The following ADAM8 variants were observed in gnomAD, a reference collection of about 807,000 sequenced individuals.
The protein encoded by ADAM8 is disintegrin and metalloproteinase domain-containing protein 8.
ADAM8 carries 104 observed loss-of-function variants against 102.4 expected under a neutral mutation model. The observed-to-expected ratio is 1.02, with a 90% CI of 0.87 to 1.20. The LOEUF is 1.20. ADAM8 is among the 50% of genes most tolerant of loss of function. ADAM8 has a pLI of 0.00. For synonymous variants in ADAM8, 517 were observed against 485.2 expected (o/e 1.07, Z -0.86); for missense variants, 1,132 against 1,159.0 (o/e 0.98, Z 0.34).
At chr10:133,270,089 G>GAAGCACAGCCACCT in intron 16 of ADAM8, 115 bp from the exon 17 acceptor site, 2 of 1,296,084 alleles carry the variant, frequency 1.5e-6, no homozygotes, top group Non-Finnish European at 2.2e-6. Context: ...CAAGGTGGCT[G>GAAGCACAGCCACCT]TGCTTCAGCC....
At position 133,267,331 on chromosome 10, in the gene ADAM8, C is replaced by T. The variant is rs368644961; in HGVS notation, c.2319+21G>A. The stretch of plus-strand genomic sequence containing the variant: ...CCTGGACACCCTCAGAAGGCTTGGC[C>T]GCCCAATCACCACTGCTCACCTGCT... On this transcript the variant is annotated intron_variant, in intron 21 of 22. Transcript: ENST00000445355. The T allele has an allele frequency of 2.8e-5, 45 of 1,599,800 alleles. No individual in the cohort carries two copies. The African/African-American group carries it at 3.3e-4, about 12-fold the overall frequency.
At chr10:133,271,998 C>T in intron 10 of ADAM8, 44 bp from the exon 11 acceptor site, 1 of 1,593,776 alleles carries the variant, frequency 6.3e-7, no homozygotes, top group Non-Finnish European at 8.6e-7. Flanking sequence ...GGCCAACTCC[C>T]CACGCCTGCC....
At chr10:133,263,514 T>C (rs1846226491) in intron 22 of ADAM8, among the ~76,000 whole-genome samples, 174 bp downstream of exon 22, 1 of 152,188 alleles carries the variant, frequency 6.6e-6, no homozygotes, top group African/African-American at 2.4e-5. Flanking sequence ...ACAGCACAGA[T>C]ACCACAGTAC....
In ADAM8 at chr10:133,273,842, C is replaced by A; in HGVS notation, c.307-4G>T. Reference sequence around the variant, plus strand: ...GGCCCTGGTAGAAGCAGTGGTCCTGCGGGGGAAGCAGGAGAGGGGTCCACA... The same window carrying A: ...GGCCCTGGTAGAAGCAGTGGTCCTGAGGGGGAAGCAGGAGAGGGGTCCACA... On this transcript the variant is annotated splice_region_variant and splice_polypyrimidine_tract_variant and intron_variant, in intron 4 of 22. Coordinates refer to ENST00000445355, the MANE Select transcript of ADAM8 (RefSeq NM_001109.5). 1.9e-6 allele frequency: 3 copies of A among 1,549,040 alleles called. No homozygotes were observed. Among genetic ancestry groups the A allele is most frequent in the Non-Finnish European group, 1.7e-6 (2 of 1,146,988 alleles).
Position 133,263,143 on chromosome 10 carries a change from C to T in ADAM8, c.*13G>A, listed in dbSNP as rs545726760. The T allele has an allele frequency of 1.9e-5, 30 of 1,614,034 alleles. No individual in the cohort carries two copies. The Admixed American group carries it at 2.2e-4, about 12-fold the overall frequency. ...CAACTTCTCCAAATTTCCACACAGGCGCAGGTGCCCCCCTAGGGTGCTGTG... is the reference window on the plus strand; with the variant it reads ...CAACTTCTCCAAATTTCCACACAGGTGCAGGTGCCCCCCTAGGGTGCTGTG... On this transcript the variant is annotated 3_prime_UTR_variant, in exon 23 of 23. Coordinates refer to ENST00000445355, the MANE Select transcript of ADAM8 (RefSeq NM_001109.5).
chr10:133,271,170 TG>T, intron 13 of ADAM8, 29 bp downstream of exon 13: 1 of 1,604,506 alleles, frequency 6.2e-7, no homozygotes. Context: ...CCATGGGCTC[TG>T]GGGGTCACTG....
intron 20 of ADAM8, among the ~76,000 whole-genome samples, 184 bp from the exon 21 acceptor site, chr10:133,267,601 G>A (rs1388063670): frequency 6.6e-6 from 1 of 152,266 alleles, no homozygotes; most frequent in Non-Finnish European, 1.5e-5. Flanking sequence ...GTGATCCCGA[G>A]CTGGGGGCCG....
Position 133,270,972 on chromosome 10 carries a change from G to A in ADAM8, c.1473C>T (p.Phe491=). ...GRHPECPEDA[F]QENGTPCSGG... Reference sequence around the variant, plus strand: ...CGGAGCAGGGCGTGCCGTTCTCCTGGAAGGCGTCTTCCGGGCACTCAGGGT... The same window carrying A: ...CGGAGCAGGGCGTGCCGTTCTCCTGAAAGGCGTCTTCCGGGCACTCAGGGT... The change falls in exon 14 of 23, where the codon TTC becomes TTT. Residue 491 remains phenylalanine, a synonymous_variant. Coordinates refer to ENST00000445355, the MANE Select transcript of ADAM8 (RefSeq NM_001109.5). 1 of 1,612,880 alleles carries A rather than the reference G, an allele frequency of 6.2e-7. No individual in the cohort carries two copies. Among genetic ancestry groups the A allele is most frequent in the East Asian group, 2.2e-5 (1 of 44,886 alleles).
At position 133,268,051 on chromosome 10, in the gene ADAM8, G is replaced by A. The variant is rs866315993; in HGVS notation, c.2131C>T (p.Pro711Ser). ...PLFHQAASRV[P>S]AKGGAPAPSR... Reference sequence around the variant, plus strand: ...GGGGCTGGAGCCCCGCCCTTGGCCGGCACGCGGCTGGCAGCCTGGTGGAAC... The same window carrying A: ...GGGGCTGGAGCCCCGCCCTTGGCCGACACGCGGCTGGCAGCCTGGTGGAAC... Residue 711 changes from proline (P) to serine (S), a missense_variant, in exon 20 of 23, where the codon CCG becomes TCG. Coordinates refer to ENST00000445355, the MANE Select transcript of ADAM8 (RefSeq NM_001109.5). 1 of 1,266,188 alleles carries A rather than the reference G, an allele frequency of 7.9e-7. No homozygotes were observed. The highest frequency in any genetic ancestry group is 1.0e-6 in the Non-Finnish European group (1 of 998,678). 78.4% of individuals were successfully genotyped at this position (1,266,188 alleles called of 1,614,324 possible).
At chr10:133,268,142 T>C in intron 19 of ADAM8, 24 bp from the exon 20 acceptor site, 1 of 1,255,584 alleles carries the variant, frequency 8.0e-7, no homozygotes, top group Non-Finnish European at 1.0e-6. Context: ...ACAGGGCGCA[T>C]GGTCAGTGTC....
rs1185989118 is a variant in ADAM8 at position 133,271,853 on chromosome 10, G to C, written c.1059C>G (p.Cys353Trp). 3.7e-6 allele frequency: 6 copies of C among 1,612,514 alleles called. No homozygotes were observed. The highest frequency in any genetic ancestry group is 5.1e-6 in the Non-Finnish European group (6 of 1,179,890). The change falls in exon 11 of 23, where the codon TGC becomes TGG. Residue 353 changes from cysteine to tryptophan, a missense_variant. Cys to Trp is a radical substitution (Grantham distance 215). Transcript: ENST00000445355. ...DHDENVQGCR[C>W]QERFEAGRCI... ...AGCGGCCGGCCTCGAAGCGTTCCTG[G>C]CAGCGGCAGCCCTGGACGTTCTCAT...
intron 18 of ADAM8, chr10:133,269,208 C>T: frequency 2.0e-6 from 2 of 984,116 alleles, no homozygotes; most frequent in Non-Finnish European, 2.4e-6. Flanking sequence ...ACTGGAGTCT[C>T]AGCTCACGGC....
chr10:133,274,721 G>A (rs952646810), intron 2 of ADAM8: 4 of 294,516 alleles, frequency 1.4e-5, no homozygotes, highest in Non-Finnish European at 2.7e-5. Context: ...GGTGGGTGGC[G>A]GGGATAGCAC....
intron 2 of ADAM8, chr10:133,275,091 G>C (rs112711355): frequency 3.4e-6 from 1 of 295,938 alleles, no homozygotes; most frequent in Non-Finnish European, 6.4e-6. Context: ...CGGGGAGGGG[G>C]GCATTCTCAG....
In ADAM8 at chr10:133,270,587, T is replaced by A. The variant is rs1055166708; in HGVS notation, c.1635-77A>T. 9 of 1,550,080 alleles carry A rather than the reference T, an allele frequency of 5.8e-6. No individual in the cohort carries two copies. The African/African-American group carries it at 1.2e-4, about 21-fold the overall frequency. The stretch of plus-strand genomic sequence containing the variant: ...AGCCCAGGAGCCACAGTGACCCACC[T>A]CCCTCCCACAACACGGTGCGCTTGA... On this transcript the variant is annotated intron_variant, in intron 15 of 22. Coordinates refer to ENST00000445355, the MANE Select transcript of ADAM8 (RefSeq NM_001109.5).
chr10:133,274,088 G>C lies in ADAM8; in HGVS notation c.228-59C>G, dbSNP rs1007550333. 11 of 1,588,950 alleles carry C rather than the reference G, an allele frequency of 6.9e-6. No homozygotes were observed. In the African/African-American group the frequency reaches 1.3e-4, roughly 19 times the overall value. ...CTCGGTGCAGAGAGGCTGGCCCAGAGGCTGGACGCCGGGGACACCAGTGTG... is the reference window on the plus strand; with the variant it reads ...CTCGGTGCAGAGAGGCTGGCCCAGACGCTGGACGCCGGGGACACCAGTGTG... On this transcript the variant is annotated intron_variant, in intron 3 of 22. Transcript: ENST00000445355.
Position 133,272,249 on chromosome 10 carries a change from C to T in ADAM8, c.901G>A (p.Val301Met), listed in dbSNP as rs1485784268. Residue 301 changes from valine (V) to methionine (M), a missense_variant, in exon 10 of 23, where the codon GTG (valine) becomes ATG (methionine). By Grantham distance (21) the Val-to-Met change is conservative. Coordinates refer to ENST00000445355, the MANE Select transcript of ADAM8 (RefSeq NM_001109.5). ...ATGGCGGACACCCTGGCAAACCCCACGGTAGTCCCGGTGAAGTCGACACCC... is the reference window on the plus strand; with the variant it reads ...ATGGCGGACACCCTGGCAAACCCCATGGTAGTCCCGGTGAAGTCGACACCC... ...ITGVDFTGTTVGFARVSAMCS... is the reference protein window; with the variant it reads ...ITGVDFTGTTMGFARVSAMCS... 7.1e-6 allele frequency: 11 copies of T among 1,543,596 alleles called. No individual in the cohort carries two copies. The highest frequency in any genetic ancestry group is 7.9e-6 in the Non-Finnish European group (9 of 1,142,372).
At position 133,272,278 on chromosome 10, in the gene ADAM8, G is replaced by C. The variant is rs1846558552; in HGVS notation, c.876-4C>G. 3.9e-6 allele frequency: 6 copies of C among 1,527,586 alleles called. No homozygotes were observed. Among genetic ancestry groups the C allele is most frequent in the Non-Finnish European group, 5.3e-6 (6 of 1,131,860 alleles). The allele number at this position is 1,527,586 out of a possible 1,614,324, so 94.6% of individuals were successfully genotyped here. On this transcript the variant is annotated splice_region_variant and splice_polypyrimidine_tract_variant and intron_variant, in intron 9 of 22. Coordinates refer to ENST00000445355, the MANE Select transcript of ADAM8 (RefSeq NM_001109.5). ...AGTCCCGGTGAAGTCGACACCCCTG[G>C]AAGTGGGAGTGACACAGATGCCCTG...
At position 133,263,769 on chromosome 10, in the gene ADAM8, G is replaced by A. The variant is rs1445187049; in HGVS notation, c.2320-4C>T. 1.9e-6 allele frequency: 3 copies of A among 1,554,222 alleles called. No individual in the cohort carries two copies. Among genetic ancestry groups the A allele is most frequent in the Non-Finnish European group, 2.6e-6 (3 of 1,149,190 alleles). On this transcript the variant is annotated splice_polypyrimidine_tract_variant and splice_region_variant and intron_variant, in intron 21 of 22. Transcript: ENST00000445355. ...GTGCGAACGTTGGCTTGATGACCTG[G>A]GAGGAAACAGACACAGCTGACATGG...
Sources: allele counts gnomAD v4.1 joint callset (sites outside exome capture counted in the v4.1 genomes callset), GRCh38; gene constraint gnomAD v4.1.1; transcripts MANE v1.5; gene names NCBI Gene and HGNC (gene_info 2026-07-23, HGNC 2026-07-21).